Variants in ISCU observed in about 807,000 individuals in gnomAD.
The protein encoded by ISCU is iron-sulfur cluster assembly enzyme.
A neutral mutation model predicts 18.4 loss-of-function variants in ISCU; 13 were observed. The ratio of observed to expected loss-of-function variants is 0.71; its 90% CI spans 0.46 to 1.12. The LOEUF (loss-of-function observed/expected upper bound fraction) is 1.12, where lower values mean the gene tolerates loss of function less well. Among genes scored for constraint, ISCU ranks in the 50% most tolerant of loss-of-function variants. ISCU has a pLI of 0.00. For synonymous variants in ISCU, 104 were observed against 87.5 expected, an observed-to-expected ratio of 1.19 and a Z score of -1.06; for missense variants, 229 against 208.7, an observed-to-expected ratio of 1.10 and a Z score of -0.60.
intron 4 of ISCU, chr12:108,567,997 GAGTC>G (rs1182553707): frequency 2.0e-6 from 3 of 1,531,110 alleles, no homozygotes; most frequent in African/African-American, 2.7e-5. Context: ...AATCAGCAGA[GAGTC>G]AGGCCTCTTG....
intron 3 of ISCU, among the ~76,000 whole-genome samples, chr12:108,566,934 C>G (rs1235526564): frequency 6.6e-6 from 1 of 152,234 alleles, no homozygotes; most frequent in Non-Finnish European, 1.5e-5. Context: ...AGGTTCCACT[C>G]CTGACTTAGA....
rs552909055 is a variant in ISCU at position 108,566,673 on chromosome 12, A to G, written c.340-517A>G. On this transcript the variant is annotated intron_variant, in intron 3 of 4. Coordinates refer to ENST00000311893, the MANE Select transcript of ISCU (RefSeq NM_213595.4). ...TAGTTGATCTGGAGGAGATGCTCCT[A>G]TAGGCAAAGGGGACACCAAAGAGAG... 5.2e-4 allele frequency among the ~76,000 whole-genome samples: 79 copies of G among 152,336 alleles called. No homozygotes were observed. In the South Asian group the frequency reaches 7.0e-3, roughly 14 times the overall value.
intron 4 of ISCU, 36 bp downstream of exon 4, chr12:108,567,304 A>G: frequency 6.5e-7 from 1 of 1,535,342 alleles, no homozygotes; most frequent in Non-Finnish European, 9.0e-7. Context: ...CAGCTGGGAC[A>G]TTTGGCAGTA....
At chr12:108,564,151 C>T in intron 1 of ISCU, 128 bp from the exon 2 acceptor site, 1 of 1,611,312 alleles carries the variant, frequency 6.2e-7, no homozygotes, top group Non-Finnish European at 8.5e-7. Context: ...GACCTTTCTA[C>T]TCAGGTGAAA....
chr12:108,568,142 T>A, intron 4 of ISCU: 1 of 1,354,130 alleles, frequency 7.4e-7, no homozygotes, highest in Non-Finnish European at 9.5e-7. Context: ...AGAAAGGTCA[T>A]CACTTGTAAA....
At chr12:108,562,929 C>T in intron 1 of ISCU, 193 bp downstream of exon 1, 1 of 397,358 alleles carries the variant, frequency 2.5e-6, no homozygotes, top group Non-Finnish European at 4.4e-6. Context: ...CGGGCGGCGA[C>T]TTCCAGGGGG....
intron 4 of ISCU, chr12:108,568,056 A>C: frequency 6.8e-7 from 1 of 1,464,878 alleles, no homozygotes. Context: ...CGGGGCAGAC[A>C]CACTAACTCA....
chr12:108,563,900 T>C (rs1383401592), intron 1 of ISCU: 1 of 651,020 alleles, frequency 1.5e-6, no homozygotes. Context: ...ATTTTTAGAA[T>C]TTTTAAATAG....
chr12:108,566,049 G>T (rs2030881340), intron 3 of ISCU, among the ~76,000 whole-genome samples: 1 of 152,240 alleles, frequency 6.6e-6, no homozygotes, highest in Non-Finnish European at 1.5e-5. Context: ...TGAAGAGCTG[G>T]ACTTTCTAAA....
chr12:108,568,567 A>G, intron 4 of ISCU: 1 of 1,350,296 alleles, frequency 7.4e-7, no homozygotes. Flanking sequence ...TCTATAGAAG[A>G]GAAAGTAGGG....
intron 1 of ISCU, 36 bp downstream of exon 1, chr12:108,562,772 C>A: frequency 7.9e-7 from 1 of 1,269,792 alleles, no homozygotes; most frequent in Non-Finnish European, 1.0e-6. Flanking sequence ...AATGCCGACT[C>A]AGCGGAGGCC....
chr12:108,568,927 G>C lies in ISCU; in HGVS notation c.*11G>C. The stretch of plus-strand genomic sequence containing the variant: ...GCAGAGAAGAAATGAGCCCTCCCTC[G>C]GCGAAGCCTCCAGCAGGCCACACCA... On this transcript the variant is annotated 3_prime_UTR_variant, in exon 5 of 5. Transcript: ENST00000311893. 1 of 1,605,830 alleles carries C rather than the reference G, an allele frequency of 6.2e-7. No individual in the cohort carries two copies. The highest frequency in any genetic ancestry group is 1.3e-5 in the African/African-American group (1 of 74,954).
chr12:108,562,604 G>T lies in ISCU; in HGVS notation c.-19G>T, dbSNP rs1343944229. 8 of 1,404,766 alleles carry T rather than the reference G, an allele frequency of 5.7e-6. No individual in the cohort carries two copies. In the Admixed American group the frequency reaches 1.8e-4, roughly 31 times the overall value. 87.0% of individuals were successfully genotyped at this position (1,404,766 alleles called of 1,614,324 possible). ...CCCCTCGGCGTCGCTCTGGACTGGC[G>T]CAGGCGCAAGCCGGCAAGATGGCGG... On this transcript the variant is annotated 5_prime_UTR_variant, in exon 1 of 5. Coordinates refer to ENST00000311893, the MANE Select transcript of ISCU (RefSeq NM_213595.4).
Position 108,567,503 on chromosome 12 carries a change from C to T in ISCU, c.418+235C>T, listed in dbSNP as rs118125441. 943 of 738,818 alleles carry T rather than the reference C, an allele frequency of 1.3e-3. 9 individuals carry two copies. In the Middle Eastern group the frequency reaches 0.028, roughly 22 times the overall value. 45.8% of individuals were successfully genotyped at this position (738,818 alleles called of 1,614,324 possible). On this transcript the variant is annotated intron_variant, in intron 4 of 4. Transcript: ENST00000311893. Reference sequence around the variant, plus strand: ...GCCATCATACTGAGCACTTCATGGGCGTAATTTCTAAACCTCACAAATATC... The same window carrying T: ...GCCATCATACTGAGCACTTCATGGGTGTAATTTCTAAACCTCACAAATATC...
Position 108,569,221 on chromosome 12 carries a change from T to A in ISCU, c.*305T>A, listed in dbSNP as rs1054265894. 7.9e-6 allele frequency: 3 copies of A among 381,868 alleles called. No homozygotes were observed. Among genetic ancestry groups the A allele is most frequent in the African/African-American group, 6.2e-5 (3 of 48,518 alleles). The allele number at this position is 381,868 out of a possible 1,614,324, so 23.7% of individuals were successfully genotyped here. ...AAGTTTTGATAGCCCGTGAAGTGCA[T>A]AAGTATCTAATTTTACCTGAATTGA... On this transcript the variant is annotated 3_prime_UTR_variant, in exon 5 of 5. Coordinates refer to ENST00000311893, the MANE Select transcript of ISCU (RefSeq NM_213595.4).
chr12:108,564,043 A>T, intron 1 of ISCU: 1 of 1,506,616 alleles, frequency 6.6e-7, no homozygotes, highest in Non-Finnish European at 9.2e-7. Context: ...GATTTCACTG[A>T]TTTTTTTTTC....
intron 1 of ISCU, 64 bp from the exon 2 acceptor site, chr12:108,564,215 C>G: frequency 6.4e-7 from 1 of 1,560,304 alleles, no homozygotes; most frequent in Non-Finnish European, 8.8e-7. Flanking sequence ...AGGAGCTTAC[C>G]ATCAAACCAG....
intron 2 of ISCU, 27 bp downstream of exon 2, chr12:108,564,419 T>C: frequency 1.4e-6 from 2 of 1,444,396 alleles, no homozygotes; most frequent in Non-Finnish European, 2.0e-6. Flanking sequence ...TTAATAGTGA[T>C]AACAATAATC....
At chr12:108,565,129 G>T in intron 2 of ISCU, 192 bp from the exon 3 acceptor site, 3 of 606,626 alleles carry the variant, frequency 4.9e-6, no homozygotes, top group Non-Finnish European at 8.8e-6. Flanking sequence ...AGTTGGGCCT[G>T]GATAGTTGTC....
Sources: allele counts gnomAD v4.1 joint callset (sites outside exome capture counted in the v4.1 genomes callset), GRCh38; gene constraint gnomAD v4.1.1; transcripts MANE v1.5; gene names NCBI Gene and HGNC (gene_info 2026-07-23, HGNC 2026-07-21).